The following RGS6 variants were observed in gnomAD, a reference collection of about 807,000 sequenced individuals.
RGS6 encodes regulator of G-protein signaling 6.
In RGS6, 30 loss-of-function variants were observed where a neutral mutation model predicts 78.5. The ratio of observed to expected loss-of-function variants is 0.38; its 90% CI spans 0.29 to 0.52. The LOEUF is 0.52. RGS6 is among the 20% of genes least tolerant of loss of function. The pLI is 0.85. For synonymous variants in RGS6, 206 were observed against 206.0 expected, an observed-to-expected ratio of 1.00 and a Z score of 0.00; for missense variants, 495 against 609.7, an observed-to-expected ratio of 0.81 and a Z score of 1.98.
intron 3 of RGS6, among the ~76,000 whole-genome samples, chr14:72,406,674 T>G (rs911740379): frequency 6.6e-6 from 1 of 152,238 alleles, no homozygotes; most frequent in African/African-American, 2.4e-5. Flanking sequence ...GTGTTTTCTT[T>G]GTGTTTGGCA....
chr14:72,389,927 A>G lies in RGS6; in HGVS notation c.184+37733A>G, dbSNP rs560763418. ...ATAAATTCTTCTGATTCAATTGCAT[A>G]TTCTTAAATTAACAACAAAAGTCCA... On this transcript the variant is annotated intron_variant, in intron 3 of 17. Coordinates refer to ENST00000553525, the MANE Select transcript of RGS6 (RefSeq NM_001204424.2). Among the ~76,000 whole-genome samples, 15 of 152,302 alleles carry G rather than the reference A, an allele frequency of 9.8e-5. No individual in the cohort carries two copies. The East Asian group carries it at 1.9e-3, about 20-fold the overall frequency.
At chr14:72,589,204 C>T in the RGS6 span, among the ~76,000 whole-genome samples, 1 of 152,122 alleles carries the variant, frequency 6.6e-6, no homozygotes, top group Non-Finnish European at 1.5e-5. Flanking sequence ...CCAGAGCTAG[C>T]AGTTGGAGTG....
At chr14:72,371,831 A>T (rs1476001716) in intron 3 of RGS6, among the ~76,000 whole-genome samples, 2 of 152,228 alleles carry the variant, frequency 1.3e-5, no homozygotes, top group African/African-American at 4.8e-5. Context: ...TGAAATCCAG[A>T]TTTAGTGTAG....
At chr14:72,468,014 C>T (rs907011464) in intron 7 of RGS6, among the ~76,000 whole-genome samples, 2 of 152,176 alleles carry the variant, frequency 1.3e-5, no homozygotes, top group African/African-American at 4.8e-5. Flanking sequence ...AGGTCCCATA[C>T]AGAAATCAGA....
chr14:72,211,708 C>T (rs906806907), intron 2 of RGS6, among the ~76,000 whole-genome samples: 5 of 152,064 alleles, frequency 3.3e-5, no homozygotes, highest in Non-Finnish European at 7.4e-5. Context: ...ACTTGGGATA[C>T]GAAGTTCAAC....
chr14:71,917,058 G>A, the RGS6 span, among the ~76,000 whole-genome samples: 1 of 152,180 alleles, frequency 6.6e-6, no homozygotes, highest in Admixed American at 6.5e-5. Context: ...GGATGCCACA[G>A]GTCATCACTT....
intron 2 of RGS6, among the ~76,000 whole-genome samples, chr14:72,273,183 T>C (rs2060203032): frequency 6.6e-6 from 1 of 151,824 alleles, no homozygotes; most frequent in Admixed American, 6.6e-5. Flanking sequence ...CGGGTTCACA[T>C]ATAATTGAAA....
chr14:72,091,469 G>A (rs1162099118), intron 2 of RGS6, among the ~76,000 whole-genome samples: 1 of 152,110 alleles, frequency 6.6e-6, no homozygotes, highest in African/African-American at 2.4e-5. Context: ...TCAGTAAAGA[G>A]GCCAGATGAG....
At chr14:71,888,044 C>T in the RGS6 span, among the ~76,000 whole-genome samples, 79,405 of 151,606 alleles carry the variant, frequency 0.52, 23,875 homozygotes, top group Non-Finnish European at 0.67. Flanking sequence ...TGTAAAATTC[C>T]TCTCTTTATA....
At chr14:72,103,729 G>A (rs145341359) in intron 2 of RGS6, among the ~76,000 whole-genome samples, 1,692 of 152,276 alleles carry the variant, frequency 0.011, 29 homozygotes, top group African/African-American at 0.039. Context: ...CAGGGCTCCC[G>A]GAAGTATGCT....
At chr14:72,504,337 A>G (rs995584489) in intron 13 of RGS6, among the ~76,000 whole-genome samples, 4 of 152,226 alleles carry the variant, frequency 2.6e-5, no homozygotes, top group East Asian at 1.9e-4. Flanking sequence ...ACGTTTTACT[A>G]TAAGTAGTCA....
At chr14:72,244,757 G>T (rs939211990) in intron 2 of RGS6, among the ~76,000 whole-genome samples, 2 of 152,116 alleles carry the variant, frequency 1.3e-5, no homozygotes, top group African/African-American at 2.4e-5. Context: ...GTATGCCATT[G>T]GCCCCAGGCA....
At chr14:72,368,724 C>G (rs2082884126) in intron 3 of RGS6, among the ~76,000 whole-genome samples, 1 of 152,166 alleles carries the variant, frequency 6.6e-6, no homozygotes, top group African/African-American at 2.4e-5. Context: ...TATTCTTAGT[C>G]TTTGTTACTC....
At chr14:71,879,463 G>T in the RGS6 span, among the ~76,000 whole-genome samples, 1 of 152,154 alleles carries the variant, frequency 6.6e-6, no homozygotes, top group Non-Finnish European at 1.5e-5. Context: ...GTTTGGCTGT[G>T]TCCCCAGCCA....
chr14:71,989,376 G>A (rs2094856857), intron 2 of RGS6, among the ~76,000 whole-genome samples: 1 of 152,126 alleles, frequency 6.6e-6, no homozygotes, highest in Admixed American at 6.6e-5. Flanking sequence ...CTTTCCTCTG[G>A]GATGCCAGGG....
the RGS6 span, among the ~76,000 whole-genome samples, chr14:72,602,468 C>T: frequency 1.3e-5 from 2 of 152,174 alleles, no homozygotes; most frequent in African/African-American, 4.8e-5. Flanking sequence ...GGTTATGTAG[C>T]ATGGCCGCCA....
chr14:72,478,317 A>C lies in RGS6; in HGVS notation c.842A>C (p.Lys281Thr). 6.2e-7 allele frequency: 1 copy of C among 1,607,884 alleles called. No homozygotes were observed. The highest frequency in any genetic ancestry group is 1.7e-5 in the Admixed American group (1 of 59,986). Residue 281 changes from lysine (K) to threonine (T), a missense_variant, in exon 12 of 18, where the codon AAA becomes ACA. Physicochemically the swap from Lys to Thr is moderately conservative, Grantham distance 78. Coordinates refer to ENST00000553525, the MANE Select transcript of RGS6 (RefSeq NM_001204424.2). ...GACAGACATTGTTTGAAAATGTCCA[A>C]AGTGGCTGAAAGGTATGTTTTCCTT... ...QIDRHCLKMSKVAESLIAYTE... is the reference protein window; with the variant it reads ...QIDRHCLKMSTVAESLIAYTE...
chr14:72,323,800 CAAAAAAAAAAAAAAAAAAAAAAAAAA>C lies in RGS6; in HGVS notation c.85-28279_85-28254del, dbSNP rs58303649. ...TGGGTGACAGAGTGAGACTCCATCT[CAAAAAAAAAAAAAAAAAAAAAAAAAA>C]AAAAAAAAAAAAAAACTATTGTAAA... is the stretch of plus-strand genomic sequence containing the variant. On this transcript the variant is annotated intron_variant, in intron 2 of 17. Coordinates refer to ENST00000553525, the MANE Select transcript of RGS6 (RefSeq NM_001204424.2). Among the ~76,000 whole-genome samples, 47 of 16,820 alleles carry C rather than the reference CAAAAAAAAAAAAAAAAAAAAAAAAAA, an allele frequency of 2.8e-3. 2 individuals carry two copies. Among genetic ancestry groups the C allele is most frequent in the South Asian group, 7.9e-3 (2 of 254 alleles). 11.0% of individuals were successfully genotyped at this position (16,820 alleles called of 152,430 possible). A position where few individuals can be genotyped will look rare whatever the true frequency, so the allele number is the denominator to read the frequency against.
chr14:72,499,245 A>T (rs2096686232), intron 13 of RGS6, among the ~76,000 whole-genome samples: 1 of 152,236 alleles, frequency 6.6e-6, no homozygotes, highest in Non-Finnish European at 1.5e-5. Context: ...CCTGGTTCCC[A>T]AGATGTTTTT....
Sources: gnomAD v4.1 joint callset for allele counts (sites outside exome capture counted in the v4.1 genomes callset) on GRCh38, gnomAD v4.1.1 for gene constraint, MANE v1.5 for transcripts, NCBI Gene and HGNC (gene_info 2026-07-23, HGNC 2026-07-21) for gene names.